PTPRN2: variants seen among roughly 807,000 people sequenced by gnomAD.
The protein encoded by PTPRN2 is receptor-type tyrosine-protein phosphatase N2.
In PTPRN2, 74 loss-of-function variants were observed where a neutral mutation model predicts 118.8. The observed-to-expected ratio is 0.62, with a 90% CI of 0.52 to 0.76. The LOEUF (loss-of-function observed/expected upper bound fraction) is 0.76. PTPRN2 is among the 30% of genes least tolerant of loss of function. The pLI is 0.00. For synonymous variants in PTPRN2, 641 were observed against 608.0 expected (o/e 1.05, Z -0.80); for missense variants, 1,481 against 1,394.4 (o/e 1.06, Z -0.99).
At chr7:158,392,000 C>T (rs552939590) in intron 2 of PTPRN2, among the ~76,000 whole-genome samples, 108 of 152,288 alleles carry the variant, frequency 7.1e-4, no homozygotes, top group Middle Eastern at 3.4e-3. Context: ...CAGGAGGGAC[C>T]GTTTGCAGGG....
chr7:157,980,536 A>G (rs1803058096), intron 11 of PTPRN2, among the ~76,000 whole-genome samples: 1 of 152,276 alleles, frequency 6.6e-6, no homozygotes, highest in African/African-American at 2.4e-5. Context: ...GAGTCACTTG[A>G]GGTCAGGACT....
intron 2 of PTPRN2, among the ~76,000 whole-genome samples, chr7:158,469,872 A>G (rs1281802988): frequency 1.3e-5 from 2 of 152,074 alleles, no homozygotes; most frequent in African/African-American, 4.8e-5. Context: ...GATTTGTCCT[A>G]GTGCATCATA....
intron 12 of PTPRN2, among the ~76,000 whole-genome samples, chr7:157,840,049 G>A (rs946120191): frequency 1.3e-5 from 2 of 149,232 alleles, no homozygotes; most frequent in Admixed American, 6.7e-5. Flanking sequence ...ACCACATGGA[G>A]TGTGTGTGAC....
At chr7:158,265,673 T>C (rs1478836128) in intron 3 of PTPRN2, among the ~76,000 whole-genome samples, 1 of 152,162 alleles carries the variant, frequency 6.6e-6, no homozygotes, top group East Asian at 1.9e-4. Flanking sequence ...GGCAGAACTG[T>C]GTGAGGCTGC....
chr7:158,004,127 C>G (rs563351759), intron 11 of PTPRN2, among the ~76,000 whole-genome samples: 1 of 151,760 alleles, frequency 6.6e-6, no homozygotes, highest in African/African-American at 2.4e-5. Flanking sequence ...TCTGTTAATG[C>G]TTCCAGTGCC....
chr7:158,581,449 C>T (rs937267558), intron 1 of PTPRN2, among the ~76,000 whole-genome samples: 6 of 152,020 alleles, frequency 3.9e-5, no homozygotes, highest in East Asian at 1.9e-4. Context: ...TGGAATGATC[C>T]GTACACTGAC....
chr7:158,165,174 G>A (rs1822836236), intron 6 of PTPRN2, among the ~76,000 whole-genome samples: 1 of 152,220 alleles, frequency 6.6e-6, no homozygotes. Flanking sequence ...ATGGTGTCTA[G>A]TACCCACGAA....
intron 12 of PTPRN2, chr7:157,739,585 C>A (rs1800503503): frequency 6.6e-6 from 1 of 152,282 alleles, no homozygotes; most frequent in African/African-American, 2.4e-5. Context: ...AGAGTGACAC[C>A]TGTGCCTTCA....
chr7:158,235,063 A>C (rs970952178), intron 3 of PTPRN2, among the ~76,000 whole-genome samples: 1 of 152,204 alleles, frequency 6.6e-6, no homozygotes, highest in African/African-American at 2.4e-5. Flanking sequence ...GGCCTGGCCC[A>C]AAATGGCTCT....
intron 3 of PTPRN2, among the ~76,000 whole-genome samples, chr7:158,295,704 C>G (rs530370561): frequency 3.3e-5 from 5 of 150,504 alleles, no homozygotes; most frequent in African/African-American, 9.8e-5. Context: ...GTTCACCTGC[C>G]TTTCTGAGGG....
At chr7:158,338,053 G>T (rs372803332) in intron 2 of PTPRN2, among the ~76,000 whole-genome samples, 1 of 7,482 alleles carries the variant, frequency 1.3e-4, no homozygotes, top group African/African-American at 3.3e-4. Flanking sequence ...ACCATAAGAG[G>T]TGACACCTGC....
At chr7:158,369,288 CACAT>C (rs10535331) in intron 2 of PTPRN2, among the ~76,000 whole-genome samples, 93,442 of 141,902 alleles carry the variant, frequency 0.66, 30,394 homozygotes, top group East Asian at 0.81. Context: ...CACACACACA[CACAT>C]ATATATACCT....
intron 21 of PTPRN2, among the ~76,000 whole-genome samples, chr7:157,561,839 G>C (rs1799207635): frequency 6.6e-6 from 1 of 152,244 alleles, no homozygotes; most frequent in Admixed American, 6.5e-5. Context: ...CAGGAGGATG[G>C]GGCTTCTCTG....
chr7:158,318,569 G>T (rs567660693), intron 2 of PTPRN2, among the ~76,000 whole-genome samples: 1 of 152,254 alleles, frequency 6.6e-6, no homozygotes, highest in South Asian at 2.1e-4. Context: ...GGCCAGGGCC[G>T]GCGGCCTCTT....
At chr7:158,133,575 A>C (rs1303808544) in intron 9 of PTPRN2, 102 bp downstream of exon 9, 2 of 1,454,804 alleles carry the variant, frequency 1.4e-6, no homozygotes, top group Non-Finnish European at 1.8e-6. Context: ...GAAGACACTT[A>C]AAAGCGTATG....
chr7:158,058,208 C>T (rs10266296), intron 11 of PTPRN2, among the ~76,000 whole-genome samples: 1 of 137,394 alleles, frequency 7.3e-6, no homozygotes, highest in African/African-American at 2.7e-5. Context: ...CTCCATCTGC[C>T]CACGGTGAGA....
At chr7:158,308,414 A>G (rs1586193647) in intron 3 of PTPRN2, among the ~76,000 whole-genome samples, 2 of 152,244 alleles carry the variant, frequency 1.3e-5, no homozygotes, top group East Asian at 3.8e-4. Context: ...AGAAATAAAC[A>G]GCACCAGTAA....
rs1476112149 is a variant in PTPRN2, at chr7:157,696,642, A to C, written c.1789-13705T>G. 3.1e-5 allele frequency among the ~76,000 whole-genome samples: 4 copies of C among 128,674 alleles called. No individual in the cohort carries two copies. The East Asian group carries it at 7.5e-4, about 24-fold the overall frequency. The allele number at this position is 128,674 out of a possible 152,430, so 84.4% of individuals were successfully genotyped here. A position where few individuals can be genotyped will look rare whatever the true frequency, so the allele number is the denominator to read the frequency against. On this transcript the variant is annotated intron_variant, in intron 12 of 22. Transcript: ENST00000389418. Reference sequence around the variant, plus strand: ...CATCTACCCATGCATACTGGGTCTTAGTAGAGCCCTCACCATCTACCTATG... The same window carrying C: ...CATCTACCCATGCATACTGGGTCTTCGTAGAGCCCTCACCATCTACCTATG...
intron 3 of PTPRN2, among the ~76,000 whole-genome samples, chr7:158,295,563 T>C (rs61136549): frequency 0.74 from 2,010 of 2,726 alleles, 853 homozygotes; most frequent in Non-Finnish European, 0.84. Context: ...CCCATGGAGC[T>C]CGCTGACCCT....
Sources: allele counts gnomAD v4.1 joint callset (sites outside exome capture counted in the v4.1 genomes callset), GRCh38; gene constraint gnomAD v4.1.1; transcripts MANE v1.5; gene names NCBI Gene and HGNC (gene_info 2026-07-23, HGNC 2026-07-21).